The following TTC29 variants were observed in gnomAD, a reference collection of about 807,000 sequenced individuals.
The protein encoded by TTC29 is tetratricopeptide repeat domain 29.
A neutral mutation model predicts 58.1 loss-of-function variants in TTC29; 49 were observed. That is an observed-to-expected ratio of 0.84 (90% CI 0.67 to 1.07). The LOEUF is 1.07. Among genes scored for constraint, TTC29 ranks in the 50% least tolerant of loss-of-function variants. The probability of loss-of-function intolerance (pLI) is 0.00; values close to 1 mark genes in which losing one functional copy is unlikely to be tolerated. For missense variants in TTC29, 582 were observed against 555.6 expected (o/e 1.05, Z -0.48); for synonymous variants, 209 against 196.8 (o/e 1.06, Z -0.52).
At chr4:146,758,482 T>G (rs2150058177) in intron 11 of TTC29, among the ~76,000 whole-genome samples, 1 of 152,162 alleles carries the variant, frequency 6.6e-6, no homozygotes, top group Middle Eastern at 3.4e-3. Context: ...TACCTTGGTA[T>G]AAATGGACTT....
At chr4:146,804,737 A>T (rs577564605) in intron 10 of TTC29, among the ~76,000 whole-genome samples, 3 of 152,190 alleles carry the variant, frequency 2.0e-5, no homozygotes, top group Non-Finnish European at 2.9e-5. Flanking sequence ...AGCCCCAGTC[A>T]GGGGCTTATA....
chr4:146,788,063 A>T (rs1749160815), intron 11 of TTC29, among the ~76,000 whole-genome samples: 1 of 152,080 alleles, frequency 6.6e-6, no homozygotes, highest in Non-Finnish European at 1.5e-5. Flanking sequence ...AAACTGATCG[A>T]CTGAAACCAC....
chr4:146,778,248 C>T (rs1414853839), intron 11 of TTC29, among the ~76,000 whole-genome samples: 1 of 151,786 alleles, frequency 6.6e-6, no homozygotes. Flanking sequence ...CTTAATATAA[C>T]TATTTAAGGT....
chr4:146,846,115 TAA>T (rs1305204454), intron 8 of TTC29, among the ~76,000 whole-genome samples: 1 of 151,312 alleles, frequency 6.6e-6, no homozygotes, highest in Non-Finnish European at 1.5e-5. Flanking sequence ...CCGCATTCAA[TAA>T]GAGAAAAAAA....
intron 11 of TTC29, among the ~76,000 whole-genome samples, chr4:146,766,591 G>T (rs1344378175): frequency 6.6e-6 from 1 of 152,046 alleles, no homozygotes; most frequent in Admixed American, 6.6e-5. Flanking sequence ...TTTTTTAGAA[G>T]TGGGTTTGTG....
At chr4:146,869,531 G>C (rs188825362) in intron 7 of TTC29, among the ~76,000 whole-genome samples, 2 of 152,234 alleles carry the variant, frequency 1.3e-5, no homozygotes, top group African/African-American at 4.8e-5. Context: ...TGTGGGACTA[G>C]TGAAGGGAAA....
At chr4:146,829,874 T>C (rs1274276493) in intron 9 of TTC29, among the ~76,000 whole-genome samples, 1 of 152,184 alleles carries the variant, frequency 6.6e-6, no homozygotes, top group Non-Finnish European at 1.5e-5. Context: ...AATGTTTTTC[T>C]CTGTATTCTT....
intron 8 of TTC29, among the ~76,000 whole-genome samples, chr4:146,856,749 A>C (rs1027627117): frequency 2.0e-5 from 3 of 151,120 alleles, no homozygotes; most frequent in Non-Finnish European, 4.4e-5. Flanking sequence ...AAAATTAAAA[A>C]TGATTTAAAG....
intron 5 of TTC29, 43 bp downstream of exon 5, chr4:146,908,983 G>A (rs748611987): frequency 3.2e-6 from 5 of 1,538,676 alleles, no homozygotes; most frequent in South Asian, 2.3e-5. Context: ...GGAGCTCGGT[G>A]TTCTGGCTCC....
chr4:146,750,027 G>C (rs932685499), intron 11 of TTC29, among the ~76,000 whole-genome samples: 4 of 151,460 alleles, frequency 2.6e-5, no homozygotes, highest in African/African-American at 9.7e-5. Context: ...TTTTTTTTGA[G>C]ATGGAGTCTC....
intron 11 of TTC29, among the ~76,000 whole-genome samples, chr4:146,749,292 CA>C (rs1745788132): frequency 1.3e-5 from 2 of 152,136 alleles, no homozygotes; most frequent in East Asian, 3.9e-4. Flanking sequence ...GCCTGGGTGA[CA>C]GAGTAAGACC....
chr4:146,795,216 C>G (rs957839905), intron 11 of TTC29, among the ~76,000 whole-genome samples: 3 of 152,072 alleles, frequency 2.0e-5, no homozygotes, highest in Non-Finnish European at 4.4e-5. Context: ...CACAGTAGTT[C>G]AGAGGAGTAA....
At chr4:146,714,702 G>A (rs1475958323) in intron 11 of TTC29, among the ~76,000 whole-genome samples, 3 of 152,010 alleles carry the variant, frequency 2.0e-5, no homozygotes, top group South Asian at 2.1e-4. Context: ...AAAAGCTGAA[G>A]CAATTCATTA....
At chr4:146,903,777 T>C (rs1733327360) in intron 5 of TTC29, 48 bp from the exon 6 acceptor site, 13 of 1,372,390 alleles carry the variant, frequency 9.5e-6, no homozygotes, top group Non-Finnish European at 1.3e-5. Context: ...AGATGTCTCA[T>C]GGCACACCCT....
chr4:146,755,247 C>A (rs866765795), intron 11 of TTC29, among the ~76,000 whole-genome samples: 170 of 152,188 alleles, frequency 1.1e-3, no homozygotes, highest in African/African-American at 3.8e-3. Flanking sequence ...TGGGAAGACA[C>A]CTGTCCTCAT....
intron 10 of TTC29, among the ~76,000 whole-genome samples, chr4:146,814,976 G>A (rs1751300105): frequency 6.6e-6 from 1 of 152,124 alleles, no homozygotes; most frequent in Non-Finnish European, 1.5e-5. Flanking sequence ...TGGATAAAAA[G>A]GAGTAGGAAG....
chr4:146,835,574 C>G (rs1218650672), intron 8 of TTC29, among the ~76,000 whole-genome samples: 1 of 151,972 alleles, frequency 6.6e-6, no homozygotes, highest in Non-Finnish European at 1.5e-5. Context: ...GTCTCAGGCA[C>G]TATGTTAGAC....
chr4:146,731,251 A>G (rs1744308644), intron 11 of TTC29, among the ~76,000 whole-genome samples: 1 of 152,136 alleles, frequency 6.6e-6, no homozygotes, highest in Non-Finnish European at 1.5e-5. Flanking sequence ...AAGCAGGGTC[A>G]TTAGTTGAGA....
At chr4:146,809,024 G>C (rs1196094073) in intron 10 of TTC29, among the ~76,000 whole-genome samples, 1 of 150,408 alleles carries the variant, frequency 6.6e-6, no homozygotes, top group Non-Finnish European at 1.5e-5. Context: ...GCATGGTACT[G>C]GTACCAAAAC....
Sources: allele counts gnomAD v4.1 joint callset (sites outside exome capture counted in the v4.1 genomes callset), GRCh38; gene constraint gnomAD v4.1.1; transcripts MANE v1.5; gene names NCBI Gene and HGNC (gene_info 2026-07-23, HGNC 2026-07-21).